DAB1: variants seen among roughly 807,000 people sequenced by gnomAD.
The protein encoded by DAB1 is disabled homolog 1.
Under a neutral mutation model 64.6 loss-of-function variants are expected in DAB1, and 15 were observed. The ratio of observed to expected loss-of-function variants is 0.23; its 90% CI spans 0.16 to 0.36. DAB1 has a LOEUF of 0.36. DAB1 is among the 10% of genes least tolerant of loss of function. The pLI is 1.00. For missense variants in DAB1, 596 were observed against 706.7 expected (o/e 0.84, Z 1.78); for synonymous variants, 235 against 251.9 (o/e 0.93, Z 0.64).
intron 4 of DAB1, among the ~76,000 whole-genome samples, chr1:58,238,403 A>G (rs1049406074): frequency 5.9e-5 from 9 of 152,218 alleles, no homozygotes; most frequent in Admixed American, 3.3e-4. Context: ...GCAGGTACAG[A>G]GAATAGAGAC....
At chr1:57,238,850 C>CACACACATAT (rs879392630) in intron 2 of DAB1, among the ~76,000 whole-genome samples, 1 of 143,100 alleles carries the variant, frequency 7.0e-6, no homozygotes, top group Admixed American at 7.2e-5. Context: ...CGCACACACA[C>CACACACATAT]ACACACACAT....
intron 5 of DAB1, among the ~76,000 whole-genome samples, chr1:58,100,894 C>A (rs149691889): frequency 6.6e-6 from 1 of 152,044 alleles, no homozygotes; most frequent in Admixed American, 6.6e-5. Context: ...CCAAAAGAGT[C>A]GGGTAAGGTC....
chr1:58,477,822 C>T (rs963362794), intron 3 of DAB1, among the ~76,000 whole-genome samples: 3 of 152,102 alleles, frequency 2.0e-5, no homozygotes, highest in African/African-American at 7.2e-5. Context: ...TTTGAGGCAA[C>T]GAATTTTCTT....
intron 7 of DAB1, among the ~76,000 whole-genome samples, chr1:57,640,092 T>C (rs1304157139): frequency 1.3e-5 from 2 of 152,188 alleles, no homozygotes; most frequent in Non-Finnish European, 2.9e-5. Context: ...CAGAAGATGA[T>C]GAGTGCAGAT....
intron 4 of DAB1, among the ~76,000 whole-genome samples, chr1:57,119,059 T>A (rs1557754549): frequency 1.3e-5 from 2 of 152,292 alleles, no homozygotes; most frequent in East Asian, 3.9e-4. Flanking sequence ...CAGCTTTGAA[T>A]GTTTAAACTG....
rs527934202 is a variant in DAB1 at position 57,158,039 on chromosome 1, T to A, written c.68-12610A>T. Among the ~76,000 whole-genome samples the A allele has an allele frequency of 1.1e-3, 160 of 152,318 alleles. 1 individual carries two copies. Among genetic ancestry groups the A allele is most frequent in the Non-Finnish European group, 1.5e-3 (101 of 68,036 alleles). Reference sequence around the variant, plus strand: ...ATTTAAATCACGGTATGCTACTTCCTGTGTATAAGCAAGTTAAAGTTTCTG... The same window carrying A: ...ATTTAAATCACGGTATGCTACTTCCAGTGTATAAGCAAGTTAAAGTTTCTG... On this transcript the variant is annotated intron_variant, in intron 2 of 14. Transcript: ENST00000371236.
chr1:58,424,129 C>A (rs1225737258), intron 3 of DAB1, among the ~76,000 whole-genome samples: 2 of 152,172 alleles, frequency 1.3e-5, no homozygotes, highest in Non-Finnish European at 2.9e-5. Context: ...AAGCTGATGG[C>A]CAGTTTGCTC....
chr1:57,955,510 G>A (rs1401801782), intron 5 of DAB1, among the ~76,000 whole-genome samples: 3 of 128,854 alleles, frequency 2.3e-5, no homozygotes, highest in Non-Finnish European at 3.4e-5. Flanking sequence ...GTGTCTTGTC[G>A]ATGACTCTGA....
chr1:58,321,651 G>C (rs760466753), intron 4 of DAB1, among the ~76,000 whole-genome samples: 1 of 152,254 alleles, frequency 6.6e-6, no homozygotes, highest in African/African-American at 2.4e-5. Flanking sequence ...AGGGAGCCTT[G>C]CTCACTGCTA....
At chr1:57,666,834 A>G (rs1157876694) in intron 6 of DAB1, among the ~76,000 whole-genome samples, 2 of 149,576 alleles carry the variant, frequency 1.3e-5, no homozygotes, top group African/African-American at 4.9e-5. Context: ...CAGCTAGGGT[A>G]ATTTTTAATT....
intron 1 of DAB1, among the ~76,000 whole-genome samples, chr1:57,294,119 T>G (rs1230667822): frequency 6.6e-6 from 1 of 152,200 alleles, no homozygotes; most frequent in Admixed American, 6.5e-5. Context: ...AATTCGCTTC[T>G]TTGTAATTAA....
chr1:57,431,785 T>G (rs2101116141), intron 7 of DAB1, among the ~76,000 whole-genome samples: 1 of 151,994 alleles, frequency 6.6e-6, no homozygotes, highest in African/African-American at 2.4e-5. Context: ...AAGTGGAGCT[T>G]AAGGTGATAT....
chr1:57,651,049 T>C (rs958132765), intron 6 of DAB1, among the ~76,000 whole-genome samples: 4 of 152,192 alleles, frequency 2.6e-5, no homozygotes, highest in Admixed American at 1.3e-4. Context: ...AAATTGTTCA[T>C]TCAAAATAAT....
intron 7 of DAB1, among the ~76,000 whole-genome samples, chr1:57,517,201 G>T (rs1340081241): frequency 6.6e-6 from 1 of 151,682 alleles, no homozygotes; most frequent in Non-Finnish European, 1.5e-5. Flanking sequence ...TTGCTCTGTT[G>T]CCCAGGCTGG....
intron 4 of DAB1, among the ~76,000 whole-genome samples, chr1:58,180,156 A>T (rs1011514694): frequency 6.6e-6 from 1 of 151,948 alleles, no homozygotes; most frequent in African/African-American, 2.4e-5. Context: ...CACAGATAAC[A>T]AAAAACAACT....
chr1:57,221,680 C>G (rs1415291603), intron 2 of DAB1, among the ~76,000 whole-genome samples: 1 of 152,148 alleles, frequency 6.6e-6, no homozygotes, highest in Non-Finnish European at 1.5e-5. Flanking sequence ...TCAGTCTGTA[C>G]TTTCAGCAGT....
intron 5 of DAB1, among the ~76,000 whole-genome samples, chr1:58,139,859 A>G (rs1427605328): frequency 2.0e-5 from 3 of 152,318 alleles, no homozygotes; most frequent in African/African-American, 4.8e-5. Context: ...TTGGGGATTA[A>G]TTTAGCTAAT....
At chr1:57,305,708 A>G (rs1478429271) in intron 1 of DAB1, among the ~76,000 whole-genome samples, 3 of 152,152 alleles carry the variant, frequency 2.0e-5, no homozygotes, top group Non-Finnish European at 4.4e-5. Context: ...AGTGGCTCAC[A>G]CCTGTAATCC....
At chr1:57,161,182 A>G (rs1044562148) in intron 2 of DAB1, among the ~76,000 whole-genome samples, 2 of 152,154 alleles carry the variant, frequency 1.3e-5, no homozygotes, top group African/African-American at 2.4e-5. Context: ...GAGTCTTGAT[A>G]TGGAGAGACA....
Sources: allele counts gnomAD v4.1 joint callset (sites outside exome capture counted in the v4.1 genomes callset), GRCh38; gene constraint gnomAD v4.1.1; transcripts MANE v1.5; gene names NCBI Gene and HGNC (gene_info 2026-07-23, HGNC 2026-07-21).